The following ELL variants were observed in gnomAD, a reference collection of about 807,000 sequenced individuals.
The protein encoded by ELL is RNA polymerase II elongation factor ELL.
ELL carries 18 observed loss-of-function variants against 64.0 expected under a neutral mutation model. That is an observed-to-expected ratio of 0.28 (90% CI 0.19 to 0.42). The LOEUF is 0.42. Among genes scored for constraint, ELL ranks in the 10% least tolerant of loss-of-function variants. The probability of loss-of-function intolerance (pLI) is 1.00; values close to 1 mark genes in which losing one functional copy is unlikely to be tolerated. For synonymous variants in ELL, 399 were observed against 376.2 expected (o/e 1.06, Z -0.70); for missense variants, 797 against 870.4 (o/e 0.92, Z 1.06).
intron 2 of ELL, among the ~76,000 whole-genome samples, chr19:18,470,685 C>T (rs963480519): frequency 6.6e-6 from 1 of 152,112 alleles, no homozygotes; most frequent in Non-Finnish European, 1.5e-5. Context: ...ATCCACAAAC[C>T]AGATACTGAA....
At chr19:18,454,697 C>G (rs964617367) in intron 6 of ELL, among the ~76,000 whole-genome samples, 4 of 151,090 alleles carry the variant, frequency 2.6e-5, no homozygotes, top group Non-Finnish European at 4.4e-5. Context: ...CAAAATTAGC[C>G]GGTCGTGGTG....
chr19:18,509,598 T>TGCGCGC lies in ELL; in HGVS notation c.135+12322_135+12323insGCGCGC, dbSNP rs1975968339. ...CAATGCACGTGCGCGCGCGCGCACATACACACACACACACACACACACACA... is the reference window on the plus strand; with the variant it reads ...CAATGCACGTGCGCGCGCGCGCACATGCGCGCACACACACACACACACACACACACA... On this transcript the variant is annotated intron_variant, in intron 1 of 11. Coordinates refer to ENST00000262809, the MANE Select transcript of ELL (RefSeq NM_006532.4). Among the ~76,000 whole-genome samples the TGCGCGC allele has an allele frequency of 3.4e-4, 28 of 81,878 alleles. 1 individual carries two copies. The highest frequency in any genetic ancestry group is 7.0e-4 in the East Asian group (2 of 2,860). 53.7% of individuals were successfully genotyped at this position (81,878 alleles called of 152,430 possible). A position where few individuals can be genotyped will look rare whatever the true frequency, so the allele number is the denominator to read the frequency against.
chr19:18,455,964 G>A (rs1974664244), intron 6 of ELL, among the ~76,000 whole-genome samples: 1 of 151,990 alleles, frequency 6.6e-6, no homozygotes, highest in African/African-American at 2.4e-5. Flanking sequence ...CGGGCATGGT[G>A]CGCATGCCTG....
At chr19:18,488,604 C>T (rs542976436) in intron 1 of ELL, among the ~76,000 whole-genome samples, 11 of 152,338 alleles carry the variant, frequency 7.2e-5, no homozygotes, top group Admixed American at 7.2e-4. Context: ...CGCCCACACA[C>T]CCTCAAAAGT....
chr19:18,519,571 C>A (rs533439293), intron 1 of ELL, among the ~76,000 whole-genome samples: 1 of 152,176 alleles, frequency 6.6e-6, no homozygotes, highest in Admixed American at 6.5e-5. Flanking sequence ...CTTTTAGAGG[C>A]TGAGAAGGAC....
intron 1 of ELL, among the ~76,000 whole-genome samples, chr19:18,477,410 G>A (rs573916245): frequency 6.6e-6 from 1 of 152,260 alleles, no homozygotes; most frequent in East Asian, 1.9e-4. Flanking sequence ...GGGCAGGCGG[G>A]GGATCTGAGA....
At chr19:18,497,950 G>T (rs1975695228) in intron 1 of ELL, among the ~76,000 whole-genome samples, 1 of 151,192 alleles carries the variant, frequency 6.6e-6, no homozygotes, top group Non-Finnish European at 1.5e-5. Flanking sequence ...CCAACTTGGA[G>T]AAACCCTGTC....
chr19:18,465,715 G>C lies in ELL; in HGVS notation c.305+82C>G, dbSNP rs879105233. 5.0e-5 allele frequency: 72 copies of C among 1,454,324 alleles called. No individual in the cohort carries two copies. In the South Asian group the frequency reaches 9.0e-4, roughly 18 times the overall value. The allele number at this position is 1,454,324 out of a possible 1,614,324, so 90.1% of individuals were successfully genotyped here. Reference sequence around the variant, plus strand: ...CATCTCAGGCAATATGGTTTCAATGGGGCACATCTCAACCCTGGGCCAGAG... The same window carrying C: ...CATCTCAGGCAATATGGTTTCAATGCGGCACATCTCAACCCTGGGCCAGAG... On this transcript the variant is annotated intron_variant, in intron 3 of 11. Coordinates refer to ENST00000262809, the MANE Select transcript of ELL (RefSeq NM_006532.4).
chr19:18,467,631 CCACACACACACACACACACACA>C (rs56351300), intron 2 of ELL, among the ~76,000 whole-genome samples: 1 of 67,008 alleles, frequency 1.5e-5, no homozygotes, highest in African/African-American at 6.2e-5. Context: ...CACCACACAA[CCACACACACACACACACACACA>C]CACACACACA....
At position 18,446,420 on chromosome 19, in the gene ELL, G is replaced by C. The variant is rs375353585; in HGVS notation, c.1593C>G (p.Ala531=). 2 of 1,612,832 alleles carry C rather than the reference G, an allele frequency of 1.2e-6. No homozygotes were observed. The highest frequency in any genetic ancestry group is 3.3e-5 in the Admixed American group (2 of 60,000). The part of the protein sequence containing the change: ...QRQSYKNDFN[A]EYSEYRDLHA... ...GCAGGTCGCGGTACTCGCTGTACTC[G>C]GCATTGAAGTCGTTCTTGTAGCTCT... Residue 531 remains alanine, a synonymous_variant, in exon 10 of 12, where the codon GCC becomes GCG. Coordinates refer to ENST00000262809, the MANE Select transcript of ELL (RefSeq NM_006532.4).
At chr19:18,460,157 C>T (rs894219233) in intron 5 of ELL, among the ~76,000 whole-genome samples, 3 of 152,162 alleles carry the variant, frequency 2.0e-5, no homozygotes, top group African/African-American at 4.8e-5. Context: ...ACCTTTGAGG[C>T]ATGCAGTTTT....
Position 18,498,651 on chromosome 19 carries a change from A to G in ELL, c.135+23270T>C, listed in dbSNP as rs79178054. On this transcript the variant is annotated intron_variant, in intron 1 of 11. Transcript: ENST00000262809. Reference sequence around the variant, plus strand: ...GACATTGCTGCCCCCGGATGGGTAGACAGGCTGGGTTAAGAACACAGAAAG... The same window carrying G: ...GACATTGCTGCCCCCGGATGGGTAGGCAGGCTGGGTTAAGAACACAGAAAG... Among the ~76,000 whole-genome samples the G allele has an allele frequency of 8.1e-3, 1,227 of 152,274 alleles. 16 individuals carry two copies. Among genetic ancestry groups the G allele is most frequent in the African/African-American group, 0.028 (1,147 of 41,554 alleles).
chr19:18,495,757 G>A (rs1347424441), intron 1 of ELL, among the ~76,000 whole-genome samples: 4 of 152,214 alleles, frequency 2.6e-5, no homozygotes, highest in African/African-American at 9.7e-5. Flanking sequence ...CTGCAGTGGA[G>A]GGATGGGGAG....
intron 8 of ELL, among the ~76,000 whole-genome samples, chr19:18,450,204 C>T (rs899025410): frequency 3.3e-5 from 5 of 152,374 alleles, no homozygotes; most frequent in African/African-American, 1.2e-4. Context: ...GCCTCAGTTC[C>T]CCACAAGGCT....
At chr19:18,467,673 A>AC (rs1974971487) in intron 2 of ELL, among the ~76,000 whole-genome samples, 2 of 76,350 alleles carry the variant, frequency 2.6e-5, no homozygotes, top group African/African-American at 7.2e-5. Context: ...ACACACACAC[A>AC]AACACAACCC....
At chr19:18,496,745 C>G (rs1012384294) in intron 1 of ELL, among the ~76,000 whole-genome samples, 1 of 152,222 alleles carries the variant, frequency 6.6e-6, no homozygotes, top group African/African-American at 2.4e-5. Context: ...GCGGGTAGCA[C>G]AGGAACCTGT....
chr19:18,492,932 C>T (rs1051624672), intron 1 of ELL, among the ~76,000 whole-genome samples: 6 of 152,108 alleles, frequency 3.9e-5, no homozygotes, highest in Non-Finnish European at 8.8e-5. Flanking sequence ...AGGACAAGTT[C>T]ATTCCCCCAC....
chr19:18,485,035 G>A (rs1225269500), intron 1 of ELL, among the ~76,000 whole-genome samples: 1 of 152,196 alleles, frequency 6.6e-6, no homozygotes, highest in Non-Finnish European at 1.5e-5. Flanking sequence ...ACGTTTCTGA[G>A]GTGAATGAGA....
intron 4 of ELL, among the ~76,000 whole-genome samples, chr19:18,463,048 G>A (rs1974860224): frequency 6.6e-6 from 1 of 152,190 alleles, no homozygotes; most frequent in Non-Finnish European, 1.5e-5. Flanking sequence ...TGGGAACAGG[G>A]TCGGCCGAGC....
Sources: allele counts gnomAD v4.1 joint callset (sites outside exome capture counted in the v4.1 genomes callset), GRCh38; gene constraint gnomAD v4.1.1; transcripts MANE v1.5; gene names NCBI Gene and HGNC (gene_info 2026-07-23, HGNC 2026-07-21).